NRBF2: variants seen among roughly 807,000 people sequenced by gnomAD.
The protein encoded by NRBF2 is nuclear receptor binding factor 2, also known as nuclear receptor-binding factor 2.
NRBF2 carries 12 observed loss-of-function variants against 28.5 expected under a neutral mutation model. That is an observed-to-expected ratio of 0.42 (90% CI 0.27 to 0.68). NRBF2 has a LOEUF of 0.68. NRBF2 is among the 30% of genes least tolerant of loss of function. NRBF2 has a pLI of 0.24. For synonymous variants in NRBF2, 102 were observed against 116.5 expected (o/e 0.88, Z 0.80); for missense variants, 274 against 333.5 (o/e 0.82, Z 1.39).
rs771041810 is a variant in NRBF2, at chr10:63,133,488, A to G, written c.18A>G (p.Gly6=). The part of the protein sequence containing the change: MEVME[G]PLNLAHQQSR... ...CGGGGTCTATGGAAGTAATGGAAGG[A>G]CCCCTCAACCTGGTGAGTGTCCCAC... The change falls in exon 1 of 4, where the codon GGA becomes GGG. Residue 6 remains glycine, a synonymous_variant. Coordinates refer to ENST00000277746, the MANE Select transcript of NRBF2 (RefSeq NM_030759.5). 1.9e-6 allele frequency: 3 copies of G among 1,610,400 alleles called. No homozygotes were observed. In the African/African-American group the frequency reaches 4.0e-5, roughly 22 times the overall value.
At chr10:63,148,550 T>C (rs575641421) in intron 2 of NRBF2, among the ~76,000 whole-genome samples, 52 of 152,356 alleles carry the variant, frequency 3.4e-4, no homozygotes, top group African/African-American at 1.2e-3. Context: ...AAGGCTGAAC[T>C]GAGAGAATTT....
intron 2 of NRBF2, 56 bp from the exon 3 acceptor site, chr10:63,152,094 C>T: frequency 7.9e-7 from 1 of 1,270,338 alleles, no homozygotes; most frequent in South Asian, 1.2e-5. Flanking sequence ...CTTCCTTTTA[C>T]CTGTTAATTA....
intron 1 of NRBF2, among the ~76,000 whole-genome samples, chr10:63,135,164 G>C (rs1052738695): frequency 6.6e-6 from 1 of 152,190 alleles, no homozygotes; most frequent in African/African-American, 2.4e-5. Context: ...TCCAACCTGG[G>C]CGACAGAGCG....
At chr10:63,143,460 GATTTGTTTTTTTTTTGGGACCGAGTCTC>G (rs1342104093) in intron 1 of NRBF2, among the ~76,000 whole-genome samples, 1 of 152,040 alleles carries the variant, frequency 6.6e-6, no homozygotes, top group African/African-American at 2.4e-5. Context: ...TGACAGAACA[GATTTGTTTTTTTTTTGGGACCGAGTCTC>G]ACTGTGTTGC....
intron 1 of NRBF2, among the ~76,000 whole-genome samples, chr10:63,141,940 G>T (rs986184584): frequency 1.3e-5 from 2 of 152,166 alleles, no homozygotes; most frequent in African/African-American, 4.8e-5. Flanking sequence ...TCCTAAATTG[G>T]CAGACTGGTT....
chr10:63,139,092 C>T (rs1841422604), intron 1 of NRBF2, among the ~76,000 whole-genome samples: 1 of 152,166 alleles, frequency 6.6e-6, no homozygotes, highest in African/African-American at 2.4e-5. Context: ...TCACCACAAC[C>T]TCCGCCTCCG....
chr10:63,136,438 C>T (rs1330252051), intron 1 of NRBF2, among the ~76,000 whole-genome samples: 1 of 152,146 alleles, frequency 6.6e-6, no homozygotes, highest in Non-Finnish European at 1.5e-5. Context: ...TTTCTATACT[C>T]AGAGAGTTAC....
intron 1 of NRBF2, among the ~76,000 whole-genome samples, chr10:63,139,901 C>T (rs1841435958): frequency 6.6e-6 from 1 of 151,836 alleles, no homozygotes; most frequent in Admixed American, 6.6e-5. Flanking sequence ...TTTGAGAGGC[C>T]GAGGCAGGTG....
chr10:63,149,799 T>C (rs1048214118), intron 2 of NRBF2, among the ~76,000 whole-genome samples: 7 of 152,214 alleles, frequency 4.6e-5, no homozygotes, highest in African/African-American at 1.7e-4. Flanking sequence ...GTGAAAACTA[T>C]TGTTTGTTAA....
intron 1 of NRBF2, among the ~76,000 whole-genome samples, chr10:63,144,676 A>T (rs1841532135): frequency 6.6e-6 from 1 of 152,032 alleles, no homozygotes; most frequent in Non-Finnish European, 1.5e-5. Flanking sequence ...TCGGCCTCCA[A>T]AAGTGCTAGG....
intron 1 of NRBF2, among the ~76,000 whole-genome samples, chr10:63,134,142 T>C (rs1841338473): frequency 6.6e-6 from 1 of 152,168 alleles, no homozygotes; most frequent in African/African-American, 2.4e-5. Context: ...TTCATCAATT[T>C]AGGCATCATG....
At chr10:63,148,394 A>G (rs944179989) in intron 2 of NRBF2, among the ~76,000 whole-genome samples, 2 of 152,192 alleles carry the variant, frequency 1.3e-5, no homozygotes, top group Admixed American at 1.3e-4. Context: ...TCACTTTTTG[A>G]AATTGACTTG....
chr10:63,148,768 T>C (rs1363053516), intron 2 of NRBF2, among the ~76,000 whole-genome samples: 1 of 152,232 alleles, frequency 6.6e-6, no homozygotes, highest in African/African-American at 2.4e-5. Flanking sequence ...AATGGCTGAA[T>C]TAAATGAAAC....
chr10:63,145,055 A>C (rs1044762114), intron 1 of NRBF2, among the ~76,000 whole-genome samples: 2 of 150,788 alleles, frequency 1.3e-5, no homozygotes, highest in African/African-American at 4.9e-5. Flanking sequence ...AGGAAAACAC[A>C]TTAACAAAGT....
chr10:63,144,900 G>C (rs531331803), intron 1 of NRBF2, among the ~76,000 whole-genome samples: 1 of 152,214 alleles, frequency 6.6e-6, no homozygotes, highest in Admixed American at 6.5e-5. Flanking sequence ...GCTAAATCGT[G>C]TGTGTTTGTT....
chr10:63,135,905 A>G (rs1423881148), intron 1 of NRBF2, among the ~76,000 whole-genome samples: 1 of 152,140 alleles, frequency 6.6e-6, no homozygotes, highest in Non-Finnish European at 1.5e-5. Context: ...TGGCCTCCCA[A>G]AGTGCTGGGA....
chr10:63,150,396 T>G (rs928096884), intron 2 of NRBF2: 1 of 973,922 alleles, frequency 1.0e-6, no homozygotes, highest in African/African-American at 1.8e-5. Context: ...ACCAACTCTG[T>G]TTTTTCTTTC....
intron 1 of NRBF2, among the ~76,000 whole-genome samples, chr10:63,138,666 C>T (rs1841414154): frequency 6.6e-6 from 1 of 150,500 alleles, no homozygotes; most frequent in Non-Finnish European, 1.5e-5. Context: ...ATGGCCTGAA[C>T]CCGGGAGGCA....
intron 1 of NRBF2, among the ~76,000 whole-genome samples, chr10:63,134,705 C>T (rs1841347979): frequency 6.6e-6 from 1 of 152,120 alleles, no homozygotes; most frequent in Admixed American, 6.5e-5. Context: ...AGACCATAAG[C>T]CCTTAATTTA....
Sources: allele counts gnomAD v4.1 joint callset (sites outside exome capture counted in the v4.1 genomes callset), GRCh38; gene constraint gnomAD v4.1.1; transcripts MANE v1.5; gene names NCBI Gene and HGNC (gene_info 2026-07-23, HGNC 2026-07-21).